Variants in MAGI2 observed in about 807,000 individuals in gnomAD.
MAGI2 encodes membrane-associated guanylate kinase, WW and PDZ domain-containing protein 2.
In MAGI2, 35 loss-of-function variants were observed where a neutral mutation model predicts 133.3. That is an observed-to-expected ratio of 0.26 (90% CI 0.20 to 0.35). The LOEUF (loss-of-function observed/expected upper bound fraction) is 0.35, where lower values mean the gene tolerates loss of function less well. Ranked by LOEUF, MAGI2 falls within the 10% of genes least tolerant of loss-of-function variation. The pLI is 1.00. For missense variants in MAGI2, 1,636 were observed against 1,863.4 expected (o/e 0.88, Z 2.25); for synonymous variants, 729 against 710.6 (o/e 1.03, Z -0.41).
chr7:78,661,946 A>G (rs1714407411), intron 2 of MAGI2, among the ~76,000 whole-genome samples: 1 of 152,200 alleles, frequency 6.6e-6, no homozygotes. Context: ...AGGTATTTAA[A>G]GACAAGAAAC....
intron 1 of MAGI2, among the ~76,000 whole-genome samples, chr7:79,387,171 C>A (rs1057279742): frequency 6.7e-6 from 1 of 150,308 alleles, no homozygotes. Flanking sequence ...ATTCAGCTCT[C>A]AGCTGTTTGG....
intron 12 of MAGI2, among the ~76,000 whole-genome samples, chr7:78,191,905 G>T (rs1340877721): frequency 6.6e-6 from 1 of 152,080 alleles, no homozygotes; most frequent in African/African-American, 2.4e-5. Flanking sequence ...GTCAAATGAG[G>T]CACGGCAGCA....
At chr7:78,878,745 T>C (rs1297577351) in intron 2 of MAGI2, among the ~76,000 whole-genome samples, 2 of 152,190 alleles carry the variant, frequency 1.3e-5, no homozygotes. Context: ...AAAATTCACT[T>C]AAAACAAAAT....
At chr7:78,746,318 T>A (rs1399655712) in intron 2 of MAGI2, among the ~76,000 whole-genome samples, 1 of 152,154 alleles carries the variant, frequency 6.6e-6, no homozygotes, top group Non-Finnish European at 1.5e-5. Flanking sequence ...ACTAACGAAG[T>A]CAAATACACT....
intron 1 of MAGI2, among the ~76,000 whole-genome samples, chr7:79,364,725 A>G (rs748937198): frequency 6.6e-6 from 1 of 152,060 alleles, no homozygotes; most frequent in Non-Finnish European, 1.5e-5. Flanking sequence ...GTGCTGAAGG[A>G]TCTGGCAAAA....
chr7:78,331,333 T>G (rs998024609), intron 9 of MAGI2, among the ~76,000 whole-genome samples: 2 of 148,888 alleles, frequency 1.3e-5, no homozygotes, highest in Non-Finnish European at 3.0e-5. Flanking sequence ...GTAACAAACC[T>G]GCACAGGTAC....
chr7:78,225,403 G>A lies in MAGI2; in HGVS notation c.2048-24210C>T, dbSNP rs191459065. Among the ~76,000 whole-genome samples the A allele has an allele frequency of 4.6e-5, 7 of 152,108 alleles. No homozygotes were observed. The East Asian group carries it at 1.4e-3, about 29-fold the overall frequency. The stretch of plus-strand genomic sequence containing the variant: ...CTTGCTCTATTGATTAGACTGGAGG[G>A]CAGTGGCACAGTCACCATTCACTGC... On this transcript the variant is annotated intron_variant, in intron 10 of 21. Coordinates refer to ENST00000354212, the MANE Select transcript of MAGI2 (RefSeq NM_012301.4).
At chr7:79,261,056 C>T (rs1475443932) in intron 1 of MAGI2, among the ~76,000 whole-genome samples, 1 of 152,156 alleles carries the variant, frequency 6.6e-6, no homozygotes, top group African/African-American at 2.4e-5. Context: ...AATTAAACAA[C>T]TCAAGAGAAC....
At chr7:79,097,688 T>C (rs1328335243) in intron 1 of MAGI2, among the ~76,000 whole-genome samples, 1 of 152,242 alleles carries the variant, frequency 6.6e-6, no homozygotes, top group African/African-American at 2.4e-5. Context: ...AGTAATCACT[T>C]AGTAAAAACT....
intron 2 of MAGI2, among the ~76,000 whole-genome samples, chr7:78,953,192 C>A (rs1435566451): frequency 6.6e-6 from 1 of 152,158 alleles, no homozygotes; most frequent in Non-Finnish European, 1.5e-5. Flanking sequence ...CCATCTTCCC[C>A]AAAACCTGAG....
chr7:78,076,935 T>A (rs1277915173), intron 21 of MAGI2, among the ~76,000 whole-genome samples: 2 of 150,022 alleles, frequency 1.3e-5, no homozygotes, highest in African/African-American at 4.9e-5. Flanking sequence ...TTCAAAAACA[T>A]GTTTTTATTT....
At chr7:78,998,777 A>T (rs1333775690) in intron 2 of MAGI2, among the ~76,000 whole-genome samples, 1 of 152,158 alleles carries the variant, frequency 6.6e-6, no homozygotes, top group Non-Finnish European at 1.5e-5. Flanking sequence ...CCATCTGTCT[A>T]TTCCTTTCCT....
chr7:78,218,891 C>T (rs1233735169), intron 10 of MAGI2, among the ~76,000 whole-genome samples: 1 of 152,226 alleles, frequency 6.6e-6, no homozygotes, highest in African/African-American at 2.4e-5. Flanking sequence ...AGCGCCTCTT[C>T]ACAGCTGGCA....
At chr7:78,062,355 C>CTG (rs1813372950) in intron 21 of MAGI2, among the ~76,000 whole-genome samples, 2 of 152,114 alleles carry the variant, frequency 1.3e-5, no homozygotes, top group Admixed American at 1.3e-4. Context: ...CAGGCGAAGG[C>CTG]CACTTCCCAC....
At chr7:78,483,892 C>G (rs1008262718) in intron 6 of MAGI2, among the ~76,000 whole-genome samples, 2 of 151,840 alleles carry the variant, frequency 1.3e-5, no homozygotes, top group African/African-American at 4.8e-5. Flanking sequence ...ATAGTTAATA[C>G]TGTTAGGATC....
chr7:78,445,087 A>C (rs183627238), intron 6 of MAGI2, among the ~76,000 whole-genome samples: 152 of 151,864 alleles, frequency 1.0e-3, no homozygotes, highest in Non-Finnish European at 4.3e-4. Flanking sequence ...GCTTTTAGGA[A>C]AATGTCTAAA....
intron 1 of MAGI2, among the ~76,000 whole-genome samples, chr7:79,096,363 C>T (rs1562885060): frequency 6.6e-6 from 1 of 152,176 alleles, no homozygotes; most frequent in East Asian, 1.9e-4. Flanking sequence ...ATTCCTAGCT[C>T]TGCTCCCTGC....
intron 9 of MAGI2, among the ~76,000 whole-genome samples, chr7:78,259,538 C>T (rs1360906903): frequency 2.6e-5 from 4 of 152,112 alleles, no homozygotes; most frequent in African/African-American, 9.7e-5. Context: ...TACTCTTTGT[C>T]CTTTGTTATA....
At chr7:78,425,874 G>A (rs1001173997) in intron 6 of MAGI2, among the ~76,000 whole-genome samples, 2 of 152,196 alleles carry the variant, frequency 1.3e-5, no homozygotes, top group Non-Finnish European at 2.9e-5. Flanking sequence ...TAATCTGCTA[G>A]TAATTTAACT....
Sources: gnomAD v4.1 joint callset for allele counts (sites outside exome capture counted in the v4.1 genomes callset) on GRCh38, gnomAD v4.1.1 for gene constraint, MANE v1.5 for transcripts, NCBI Gene and HGNC (gene_info 2026-07-23, HGNC 2026-07-21) for gene names.